NELL1: variants seen among roughly 807,000 people sequenced by gnomAD.
NELL1 encodes protein kinase C-binding protein NELL1.
NELL1 carries 76 observed loss-of-function variants against 107.4 expected under a neutral mutation model. The observed-to-expected ratio is 0.71, with a 90% CI of 0.59 to 0.86. The LOEUF (loss-of-function observed/expected upper bound fraction) is 0.86. Among genes scored for constraint, NELL1 ranks in the 40% least tolerant of loss-of-function variants. The pLI is 0.00. For synonymous variants in NELL1, 353 were observed against 341.2 expected (o/e 1.03, Z -0.38); for missense variants, 1,024 against 1,005.5 (o/e 1.02, Z -0.25).
chr11:20,988,372 C>T (rs893077545), intron 12 of NELL1, among the ~76,000 whole-genome samples: 8 of 150,574 alleles, frequency 5.3e-5, no homozygotes, highest in South Asian at 2.1e-4. Flanking sequence ...TATATACACA[C>T]GTACATATAT....
In NELL1 at chr11:21,156,344, C is replaced by A. The variant is rs540587635; in HGVS notation, c.1426+42630C>A. Among the ~76,000 whole-genome samples, 5 of 152,216 alleles carry A rather than the reference C, an allele frequency of 3.3e-5. No homozygotes were observed. In the East Asian group the frequency reaches 9.7e-4, roughly 29 times the overall value. ...CTCCAGCAGGGCACAGTTGCCTCTGCCAGAGTAGAGAAGGTTAACAACAGA... is the reference window on the plus strand; with the variant it reads ...CTCCAGCAGGGCACAGTTGCCTCTGACAGAGTAGAGAAGGTTAACAACAGA... On this transcript the variant is annotated intron_variant, in intron 13 of 19. Transcript: ENST00000357134.
intron 5 of NELL1, among the ~76,000 whole-genome samples, chr11:20,913,208 T>C (rs957812364): frequency 8.5e-5 from 13 of 152,144 alleles, no homozygotes; most frequent in Admixed American, 7.9e-4. Flanking sequence ...TTCATCCATA[T>C]ATTTACATGC....
intron 13 of NELL1, among the ~76,000 whole-genome samples, chr11:21,196,458 G>A (rs1480838859): frequency 6.6e-6 from 1 of 151,902 alleles, no homozygotes; most frequent in Non-Finnish European, 1.5e-5. Context: ...CCTTTGTCTT[G>A]GCATTCCTCT....
intron 12 of NELL1, among the ~76,000 whole-genome samples, chr11:21,060,813 T>C (rs1165176002): frequency 6.6e-6 from 1 of 152,224 alleles, no homozygotes; most frequent in Non-Finnish European, 1.5e-5. Context: ...GTGATTCTCC[T>C]GCCTCAGCCT....
Position 21,046,537 on chromosome 11 carries a change from G to A in NELL1, c.1301-67052G>A, listed in dbSNP as rs554482765. Among the ~76,000 whole-genome samples the A allele has an allele frequency of 2.4e-3, 369 of 152,056 alleles. 1 individual carries two copies. The highest frequency in any genetic ancestry group is 8.1e-3 in the African/African-American group (336 of 41,484). Reference sequence around the variant, plus strand: ...AAAATGCAAAATTTATGTTATGTCCGACTTTGTTCTTTTCTTATCAATACT... The same window carrying A: ...AAAATGCAAAATTTATGTTATGTCCAACTTTGTTCTTTTCTTATCAATACT... On this transcript the variant is annotated intron_variant, in intron 12 of 19. Coordinates refer to ENST00000357134, the MANE Select transcript of NELL1 (RefSeq NM_006157.5).
intron 14 of NELL1, among the ~76,000 whole-genome samples, chr11:21,238,219 A>G (rs1242743295): frequency 6.6e-6 from 1 of 152,082 alleles, no homozygotes; most frequent in African/African-American, 2.4e-5. Flanking sequence ...TCATCAACAC[A>G]TCAACAAGTC....
chr11:21,534,301 T>C, intron 15 of NELL1, 73 bp from the exon 16 acceptor site: 1 of 1,562,602 alleles, frequency 6.4e-7, no homozygotes, highest in East Asian at 2.3e-5. Context: ...TGAGCATGTT[T>C]TAGGCATTTC....
intron 10 of NELL1, among the ~76,000 whole-genome samples, chr11:20,938,922 C>G (rs955570281): frequency 2.5e-5 from 3 of 118,642 alleles, no homozygotes; most frequent in South Asian, 3.3e-4. Context: ...CTCTCTCTCT[C>G]TCTCTCTCTC....
intron 3 of NELL1, among the ~76,000 whole-genome samples, chr11:20,832,459 CTG>C (rs1474441470): frequency 1.3e-5 from 2 of 152,188 alleles, no homozygotes; most frequent in Non-Finnish European, 2.9e-5. Flanking sequence ...TGGATCATAT[CTG>C]TTTTTGTTCA....
intron 2 of NELL1, among the ~76,000 whole-genome samples, chr11:20,714,826 A>G (rs1241246102): frequency 1.3e-5 from 2 of 152,230 alleles, no homozygotes; most frequent in Non-Finnish European, 2.9e-5. Flanking sequence ...TATAACAGTG[A>G]AGAAATCAAA....
At position 20,877,747 on chromosome 11, in the gene NELL1, A is replaced by G. The variant is rs188683924; in HGVS notation, c.507-7697A>G. On this transcript the variant is annotated intron_variant, in intron 4 of 19. Coordinates refer to ENST00000357134, the MANE Select transcript of NELL1 (RefSeq NM_006157.5). Reference sequence around the variant, plus strand: ...TCAAGCAGGTTTTACATTTGACTAGATGTTTAATTTTACATGGTATTATAT... The same window carrying G: ...TCAAGCAGGTTTTACATTTGACTAGGTGTTTAATTTTACATGGTATTATAT... Among the ~76,000 whole-genome samples, 118 of 152,284 alleles carry G rather than the reference A, an allele frequency of 7.7e-4. 1 individual carries two copies. Among genetic ancestry groups the G allele is most frequent in the Non-Finnish European group, 2.5e-4 (17 of 68,018 alleles).
At chr11:20,682,579 T>G (rs116712595) in intron 2 of NELL1, among the ~76,000 whole-genome samples, 5,398 of 152,088 alleles carry the variant, frequency 0.035, 332 homozygotes, top group African/African-American at 0.12. Context: ...TTAAACAGGT[T>G]TATTGAGGTA....
At chr11:20,829,971 A>G (rs1262896729) in intron 3 of NELL1, among the ~76,000 whole-genome samples, 1 of 152,110 alleles carries the variant, frequency 6.6e-6, no homozygotes, top group Non-Finnish European at 1.5e-5. Flanking sequence ...GTAATTAAAG[A>G]AATTAGTAGT....
chr11:21,178,821 G>C (rs764573273), intron 13 of NELL1, among the ~76,000 whole-genome samples: 10 of 151,276 alleles, frequency 6.6e-5, no homozygotes, highest in Non-Finnish European at 1.2e-4. Flanking sequence ...TTTTAAAAAA[G>C]ATTCAACTTA....
chr11:21,308,173 G>C (rs955443487), intron 14 of NELL1, among the ~76,000 whole-genome samples: 3 of 152,008 alleles, frequency 2.0e-5, no homozygotes, highest in Non-Finnish European at 4.4e-5. Flanking sequence ...TACCTCGTGG[G>C]GTTGCTGTGA....
In NELL1 at chr11:20,726,011, C is replaced by T. The variant is rs1474832605; in HGVS notation, c.184+47951C>T. 2.0e-5 allele frequency among the ~76,000 whole-genome samples: 3 copies of T among 148,816 alleles called. 1 individual carries two copies. The highest frequency in any genetic ancestry group is 2.0e-4 in the Admixed American group (3 of 14,990). ...AACATGGAGTATTTTGTTTTCTGTT[C>T]CTTTGTTAATACATGTAGGATAGTG... is the stretch of plus-strand genomic sequence containing the variant. On this transcript the variant is annotated intron_variant, in intron 2 of 19. Coordinates refer to ENST00000357134, the MANE Select transcript of NELL1 (RefSeq NM_006157.5).
At chr11:21,169,130 G>T (rs1004403720) in intron 13 of NELL1, among the ~76,000 whole-genome samples, 1 of 151,792 alleles carries the variant, frequency 6.6e-6, no homozygotes, top group Non-Finnish European at 1.5e-5. Flanking sequence ...TTTTAATCTT[G>T]CCAGATAACT....
chr11:20,790,711 C>T (rs866902073), intron 3 of NELL1, among the ~76,000 whole-genome samples: 1 of 152,172 alleles, frequency 6.6e-6, no homozygotes, highest in South Asian at 2.1e-4. Context: ...CCTGCTCCTG[C>T]CTGCTCTACG....
chr11:21,448,346 C>T (rs1853493326), intron 15 of NELL1, among the ~76,000 whole-genome samples: 1 of 152,072 alleles, frequency 6.6e-6, no homozygotes, highest in Non-Finnish European at 1.5e-5. Context: ...ATTGCTTTTC[C>T]TCATATTTTC....
Sources: allele counts gnomAD v4.1 joint callset (sites outside exome capture counted in the v4.1 genomes callset), GRCh38; gene constraint gnomAD v4.1.1; transcripts MANE v1.5; gene names NCBI Gene and HGNC (gene_info 2026-07-23, HGNC 2026-07-21).